ZNF117: variants seen among roughly 807,000 people sequenced by gnomAD.
ZNF117 encodes the protein zinc finger protein 117.
In ZNF117, 37 loss-of-function variants were observed where a neutral mutation model predicts 41.2. The ratio of observed to expected loss-of-function variants is 0.90; its 90% CI spans 0.69 to 1.18. The LOEUF (loss-of-function observed/expected upper bound fraction) is 1.18. ZNF117 is among the 50% of genes most tolerant of loss of function. The probability of loss-of-function intolerance (pLI) is 0.00; values close to 1 mark genes in which losing one functional copy is unlikely to be tolerated. For missense variants in ZNF117, 546 were observed against 557.5 expected (o/e 0.98, Z 0.21); for synonymous variants, 186 against 186.6 (o/e 1.00, Z 0.02).
upstream of ZNF117, among the ~76,000 whole-genome samples, chr7:64,985,094 A>ATATAACATTATTAAAATGACTAAGG (rs1786107344): frequency 6.6e-6 from 1 of 152,180 alleles, no homozygotes; most frequent in South Asian, 2.1e-4. Flanking sequence ...GCCCGGCCGA[A>ATATAACATTATTAAAATGACTAAGG]TATAACATTA....
intron 2 of ZNF117, chr7:64,980,597 C>T (rs950944708): frequency 6.6e-6 from 1 of 151,764 alleles, no homozygotes; most frequent in Non-Finnish European, 1.5e-5. Flanking sequence ...AGAATACACA[C>T]AAAGATATTT....
At chr7:64,989,486 TATATATATATATAA>T (rs1786213801) in intron 1 of ZNF117, among the ~76,000 whole-genome samples, 7 of 74,640 alleles carry the variant, frequency 9.4e-5, no homozygotes, top group African/African-American at 3.4e-4. Flanking sequence ...TATATATATA[TATATATATATATAA>T]AACCTGAAAA....
At chr7:64,974,730 C>T (rs1429355955) in exon 3 of ZNF117, 3 of 151,832 alleles carry the variant, frequency 2.0e-5, no homozygotes, top group Non-Finnish European at 4.4e-5. Context: ...AATTTTAAGA[C>T]TCAGGATTTT....
chr7:64,981,620 T>C, intron 1 of ZNF117, 138 bp from the exon 3 acceptor site: 1 of 781,866 alleles, frequency 1.3e-6, no homozygotes. Flanking sequence ...CAAAAATTTC[T>C]AAAGATTTAG....
At chr7:64,978,507 T>G (rs959307841) in exon 3 of ZNF117, 5 of 1,613,470 alleles carry the variant, frequency 3.1e-6, no homozygotes, top group Admixed American at 1.7e-5. Context: ...CTCTCCAGTA[T>G]GAATTACCTT....
exon 3 of ZNF117, chr7:64,977,734 A>G (rs976239120): frequency 4.5e-6 from 4 of 887,972 alleles, no homozygotes; most frequent in African/African-American, 3.5e-5. Flanking sequence ...TCACATTTAT[A>G]TGGTTTCTCT....
chr7:64,981,307 C>T (rs1786027434), intron 2 of ZNF117, 80 bp downstream of exon 3: 3 of 1,556,810 alleles, frequency 1.9e-6, no homozygotes, highest in Non-Finnish European at 2.6e-6. Context: ...CACAGCTTAC[C>T]AAATCACATT....
chr7:64,979,317 T>G (rs755658753), exon 3 of ZNF117: 2 of 1,592,972 alleles, frequency 1.3e-6, no homozygotes, highest in Middle Eastern at 1.7e-4. Flanking sequence ...TTCTACATAT[T>G]TATTACATTG....
chr7:64,979,362 T>C, exon 3 of ZNF117: 1 of 1,601,390 alleles, frequency 6.2e-7, no homozygotes, highest in Non-Finnish European at 8.5e-7. Flanking sequence ...CAAACATTGG[T>C]TAAGTCCACT....
exon 3 of ZNF117, chr7:64,975,646 T>A (rs1462913774): frequency 6.6e-6 from 1 of 152,146 alleles, no homozygotes; most frequent in African/African-American, 2.4e-5. Flanking sequence ...TTTTTAAAAA[T>A]TTTGTAATTT....
upstream of ZNF117, among the ~76,000 whole-genome samples, chr7:64,986,619 T>C (rs921162653): frequency 5.3e-5 from 8 of 152,198 alleles, no homozygotes; most frequent in African/African-American, 1.4e-4. Context: ...TGCAGCTCAC[T>C]AGAAATTTTC....
exon 3 of ZNF117, chr7:64,978,074 T>C (rs1478198425): frequency 6.3e-7 from 1 of 1,577,564 alleles, no homozygotes; most frequent in Admixed American, 1.7e-5. Context: ...ACTTGTAAGG[T>C]TTCTCTCCAG....
chr7:64,985,006 G>C (rs560328265), upstream of ZNF117, among the ~76,000 whole-genome samples: 2 of 151,924 alleles, frequency 1.3e-5, no homozygotes, highest in South Asian at 4.2e-4. Flanking sequence ...CGGCAAGGCT[G>C]GTCTTGAACT....
exon 3 of ZNF117, chr7:64,978,828 C>T (rs370086901): frequency 1.1e-5 from 17 of 1,613,138 alleles, no homozygotes; most frequent in East Asian, 2.2e-5. Context: ...ACATTCATAA[C>T]GTTTCTCTCC....
upstream of ZNF117, among the ~76,000 whole-genome samples, chr7:64,984,687 A>C (rs569239547): frequency 5.4e-4 from 82 of 152,346 alleles, no homozygotes; most frequent in African/African-American, 1.7e-3. Flanking sequence ...TCTAAGTATA[A>C]ATAATGTACT....
downstream of ZNF117, chr7:64,971,848 C>T (rs1785789520): frequency 6.6e-6 from 1 of 151,896 alleles, no homozygotes; most frequent in Non-Finnish European, 1.5e-5. Context: ...CGTTAGATTA[C>T]TTGAAATTAA....
chr7:64,985,967 A>AAAAAG (rs1554299672), upstream of ZNF117, among the ~76,000 whole-genome samples: 3 of 148,896 alleles, frequency 2.0e-5, no homozygotes, highest in Admixed American at 2.0e-4. Context: ...AAAAAAAAAA[A>AAAAAG]AAAGAAAGAA....
chr7:64,981,184 T>C, intron 2 of ZNF117: 1 of 621,462 alleles, frequency 1.6e-6, no homozygotes, highest in East Asian at 3.1e-5. Flanking sequence ...TGAAGACAGA[T>C]CACTAAAGGG....
rs886534736 is a variant in ZNF117 at position 64,981,298 on chromosome 7, A to G, written c.34+89T>C. On this transcript the variant is annotated intron_variant, in intron 2 of 2. Coordinates refer to ENST00000620222, the Ensembl canonical transcript of ZNF117. Reference sequence around the variant, plus strand: ...TTCCAGAAACTATTTCCTTTGGAACACAGCTTACCAAATCACATTTTAAGC... The same window carrying G: ...TTCCAGAAACTATTTCCTTTGGAACGCAGCTTACCAAATCACATTTTAAGC... 4.6e-6 allele frequency: 7 copies of G among 1,523,256 alleles called. No homozygotes were observed. In the African/African-American group the frequency reaches 8.4e-5, roughly 18 times the overall value. The allele number at this position is 1,523,256 out of a possible 1,614,324, so 94.4% of individuals were successfully genotyped here. A position where few individuals can be genotyped will look rare whatever the true frequency, so the allele number is the denominator to read the frequency against.
Sources: allele counts gnomAD v4.1 joint callset (sites outside exome capture counted in the v4.1 genomes callset), GRCh38; gene constraint gnomAD v4.1.1; transcripts MANE v1.5; gene names NCBI Gene and HGNC (gene_info 2026-07-23, HGNC 2026-07-21).